BCOR: variants seen among roughly 807,000 people sequenced by gnomAD.
BCOR encodes the protein BCL6 corepressor.
In BCOR, 10 loss-of-function variants were observed where a neutral mutation model predicts 86.7. That is an observed-to-expected ratio of 0.12 (90% CI 0.07 to 0.20). The LOEUF is 0.20. Among genes scored for constraint, BCOR ranks in the 10% least tolerant of loss-of-function variants. BCOR has a pLI of 1.00. For synonymous variants in BCOR, 611 were observed against 609.0 expected (o/e 1.00, Z -0.05); for missense variants, 1,259 against 1,452.1 (o/e 0.87, Z 2.16).
Position 40,073,981 on chromosome X carries a change from A to C in BCOR, c.1365T>G (p.Ala455=), listed in dbSNP as rs1421488356. 8.3e-6 allele frequency: 10 copies of C among 1,211,124 alleles called. No homozygotes were observed. Among genetic ancestry groups the C allele is most frequent in the Admixed American group, 2.2e-5 (1 of 45,993 alleles). The change falls in exon 4 of 15, where the codon GCT becomes GCG. Residue 455 remains alanine (A), a synonymous_variant. Coordinates refer to ENST00000378444, the MANE Select transcript of BCOR (RefSeq NM_001123385.2). ...TGGGAGCCATCTTTTTCATGTGGTCAGCTTTGGAAGCATCTACATCCACCA... is the reference window on the plus strand; with the variant it reads ...TGGGAGCCATCTTTTTCATGTGGTCCGCTTTGGAAGCATCTACATCCACCA... The part of the protein sequence containing the change: ...SKVVDVDASK[A]DHMKKMAPTV...
chrX:40,151,812 G>C (rs1243688772), intron 1 of BCOR, among the ~76,000 whole-genome samples: 1 of 112,697 alleles, frequency 8.9e-6, no homozygotes, highest in Non-Finnish European at 1.9e-5. Flanking sequence ...TCCCGGGCGA[G>C]CAGGCAGGCG....
At chrX:40,110,317 A>G (rs1937278448) in intron 1 of BCOR, among the ~76,000 whole-genome samples, 1 of 111,637 alleles carries the variant, frequency 9.0e-6, no homozygotes, top group South Asian at 3.8e-4. Context: ...TAGCTCTTCA[A>G]TAGTTAAAAA....
intron 6 of BCOR, among the ~76,000 whole-genome samples, chrX:40,069,074 G>A (rs183196344): frequency 3.7e-4 from 42 of 112,654 alleles, no homozygotes; most frequent in Non-Finnish European, 7.5e-4. Flanking sequence ...ATGAAGAGAC[G>A]TGATGGCCGA....
chrX:40,139,141 A>C (rs1482712236), intron 1 of BCOR, among the ~76,000 whole-genome samples: 1 of 106,421 alleles, frequency 9.4e-6, no homozygotes, highest in Non-Finnish European at 1.9e-5. Context: ...GAGGAGGGGG[A>C]TGAACAAGCA....
At chrX:40,116,998 G>A (rs1459140423) in intron 1 of BCOR, among the ~76,000 whole-genome samples, 7 of 112,059 alleles carry the variant, frequency 6.2e-5, no homozygotes, top group Non-Finnish European at 1.3e-4. Flanking sequence ...TGGCTGCACC[G>A]GGACCCCTGC....
intron 1 of BCOR, among the ~76,000 whole-genome samples, chrX:40,159,723 G>C (rs1938373151): frequency 8.9e-6 from 1 of 112,077 alleles, no homozygotes; most frequent in African/African-American, 3.2e-5. Flanking sequence ...AAAGAAAATA[G>C]GGATTAAAAA....
chrX:40,163,342 A>G (rs1938455464), intron 1 of BCOR, among the ~76,000 whole-genome samples: 3 of 111,405 alleles, frequency 2.7e-5, no homozygotes, highest in Admixed American at 1.9e-4. Context: ...GGACAAGATC[A>G]TAGAGACAGC....
At chrX:40,156,777 C>T (rs964870264) in intron 1 of BCOR, among the ~76,000 whole-genome samples, 2 of 113,561 alleles carry the variant, frequency 1.8e-5, no homozygotes, top group Non-Finnish European at 3.7e-5. Context: ...GTCCAGGCCC[C>T]AGCCTGGTAC....
chrX:40,080,993 A>G (rs1001295012), intron 1 of BCOR, among the ~76,000 whole-genome samples: 4 of 110,636 alleles, frequency 3.6e-5, no homozygotes, highest in African/African-American at 1.3e-4. Context: ...ACACGCGCAC[A>G]CACACACACA....
At chrX:40,091,692 C>A (rs187835958) in intron 1 of BCOR, among the ~76,000 whole-genome samples, 6 of 113,597 alleles carry the variant, frequency 5.3e-5, no homozygotes, top group Non-Finnish European at 3.7e-5. Flanking sequence ...GCCAAGTGCG[C>A]GCGACGAACG....
rs185379444 is a variant in BCOR at position 40,065,897 on chromosome X, C to T, written c.3239-1298G>A. Among the ~76,000 whole-genome samples the T allele has an allele frequency of 7.3e-5, 8 of 110,189 alleles. No individual in the cohort carries two copies. The East Asian group carries it at 2.0e-3, about 27-fold the overall frequency. On this transcript the variant is annotated intron_variant, in intron 6 of 14. Transcript: ENST00000378444. ...TATTACTCCCACTCCTGACCAGCACCGCTCACCCGCTTCTCTCGGGGGCAT... is the reference window on the plus strand; with the variant it reads ...TATTACTCCCACTCCTGACCAGCACTGCTCACCCGCTTCTCTCGGGGGCAT...
intron 1 of BCOR, among the ~76,000 whole-genome samples, chrX:40,157,596 A>AGTGGGAGG (rs1468785092): frequency 8.9e-6 from 1 of 112,553 alleles, no homozygotes; most frequent in Non-Finnish European, 1.9e-5. Context: ...ACCTTGAACC[A>AGTGGGAGG]GTGGGAGGTG....
chrX:40,138,297 G>A (rs1274704624), intron 1 of BCOR, among the ~76,000 whole-genome samples: 1 of 111,801 alleles, frequency 8.9e-6, no homozygotes. Context: ...TCCATGAGTG[G>A]AAACTGGTCA....
chrX:40,062,486 G>A (rs1934938209), intron 9 of BCOR, 93 bp from the exon 10 acceptor site: 2 of 1,078,488 alleles, frequency 1.9e-6, no homozygotes, highest in Non-Finnish European at 2.5e-6. Flanking sequence ...AAACCTGCGT[G>A]GAGAGAGGCA....
chrX:40,131,691 G>A (rs1214861532), intron 1 of BCOR, among the ~76,000 whole-genome samples: 4 of 111,158 alleles, frequency 3.6e-5, no homozygotes, highest in African/African-American at 9.8e-5. Context: ...TGAGAAAAAC[G>A]GTCCCTATGG....
At chrX:40,176,351 C>T (rs953100138) in intron 1 of BCOR, among the ~76,000 whole-genome samples, 18 of 112,856 alleles carry the variant, frequency 1.6e-4, no homozygotes, top group Non-Finnish European at 2.8e-4. Flanking sequence ...CCTCCCCGGC[C>T]TCGGCCTCAC....
In BCOR at chrX:40,074,801, T is replaced by C. The variant is rs148105564; in HGVS notation, c.545A>G (p.Asn182Ser). Reference sequence around the variant, plus strand: ...GGGCAGCCGCAGATAACTAGCACCATTGATGTTGAGAGGGCTCTGTTTGTC... The same window carrying C: ...GGGCAGCCGCAGATAACTAGCACCACTGATGTTGAGAGGGCTCTGTTTGTC... ...ASDKQSPLNINGASYLRLPWV... is the reference protein window; with the variant it reads ...ASDKQSPLNISGASYLRLPWV... Residue 182 changes from asparagine to serine, a missense_variant, in exon 4 of 15, where the codon AAT becomes AGT. Physicochemically the swap from Asn to Ser is conservative, Grantham distance 46 (BLOSUM62 1). This residue lies in a region of BCOR where 174 missense variants were observed against 189.3 expected (regional missense o/e 0.92). Transcript: ENST00000378444. The C allele has an allele frequency of 4.1e-6, 5 of 1,209,860 alleles. No homozygotes were observed. The highest frequency in any genetic ancestry group is 3.5e-5 in the South Asian group (2 of 56,796).
At chrX:40,088,789 T>C (rs1393456571) in intron 1 of BCOR, among the ~76,000 whole-genome samples, 1 of 112,224 alleles carries the variant, frequency 8.9e-6, no homozygotes, top group Non-Finnish European at 1.9e-5. Context: ...CTCTGGCCTC[T>C]GCACCAGGCC....
chrX:40,086,372 A>T (rs12687359), intron 1 of BCOR, among the ~76,000 whole-genome samples: 31,540 of 112,281 alleles, frequency 0.28, 6,250 homozygotes, highest in African/African-American at 0.7. Flanking sequence ...TTAAAAACTC[A>T]GCCATAAACA....
Sources: allele counts gnomAD v4.1 joint callset (sites outside exome capture counted in the v4.1 genomes callset), GRCh38; gene constraint gnomAD v4.1.1; regional missense constraint gnomAD v4.1.1; transcripts MANE v1.5; gene names NCBI Gene and HGNC (gene_info 2026-07-23, HGNC 2026-07-21).